PCDHA6: variants seen among roughly 807,000 people sequenced by gnomAD.
PCDHA6 encodes the protein protocadherin alpha-6.
A neutral mutation model predicts 60.3 loss-of-function variants in PCDHA6; 55 were observed. That is an observed-to-expected ratio of 0.91 (90% CI 0.73 to 1.14). The LOEUF (loss-of-function observed/expected upper bound fraction) is 1.14, where lower values mean the gene tolerates loss of function less well. PCDHA6 is among the 50% of genes most tolerant of loss of function. PCDHA6 has a pLI of 0.00. For missense variants in PCDHA6, 1,327 were observed against 1,256.5 expected (o/e 1.06, Z -0.85); for synonymous variants, 652 against 557.9 (o/e 1.17, Z -2.38).
intron 1 of PCDHA6, among the ~76,000 whole-genome samples, chr5:140,893,566 C>T (rs1283289530): frequency 6.6e-6 from 1 of 152,156 alleles, no homozygotes; most frequent in African/African-American, 2.4e-5. Flanking sequence ...AGTGTACTTC[C>T]TCAGTTTTTG....
intron 1 of PCDHA6, chr5:140,878,044 G>A (rs1554170271): frequency 1.9e-6 from 1 of 516,218 alleles, no homozygotes; most frequent in Admixed American, 3.9e-5. Flanking sequence ...TGGAGGCCAT[G>A]GAGCACCACA....
intron 1 of PCDHA6, among the ~76,000 whole-genome samples, chr5:140,964,683 G>T (rs2095848322): frequency 6.6e-6 from 1 of 151,914 alleles, no homozygotes; most frequent in South Asian, 2.1e-4. Flanking sequence ...CACAATTTGT[G>T]CACTTGAGAG....
intron 1 of PCDHA6, chr5:140,842,985 T>G (rs1322607138): frequency 1.3e-6 from 2 of 1,594,870 alleles, no homozygotes; most frequent in Non-Finnish European, 1.7e-6. Flanking sequence ...CAGGTGTTCG[T>G]GCTGGACGAG....
In PCDHA6 at chr5:140,830,467, TGAA is replaced by T. The variant is rs2150186899; in HGVS notation, c.2379_2381del (p.Glu793del). 3.2e-6 allele frequency: 5 copies of T among 1,572,686 alleles called. No homozygotes were observed. Among genetic ancestry groups the T allele is most frequent in the Non-Finnish European group, 4.3e-6 (5 of 1,156,644 alleles). The stretch of plus-strand genomic sequence containing the variant: ...GTAAGGCGGAGAATCAGGATTTAAA[TGAA>T]GATCATGATGCCAAAGTAAGTGAAT... On this transcript the variant is annotated inframe_deletion, in exon 1 of 4. Coordinates refer to ENST00000529310, the MANE Select transcript of PCDHA6 (RefSeq NM_018909.4).
At chr5:141,002,532 C>T (rs571310813) in intron 3 of PCDHA6, among the ~76,000 whole-genome samples, 26 of 152,270 alleles carry the variant, frequency 1.7e-4, no homozygotes, top group African/African-American at 6.0e-4. Flanking sequence ...AGTCAGACTC[C>T]CTAGATTTGA....
chr5:140,870,566 T>C (rs1554164425), intron 1 of PCDHA6: 7 of 1,613,980 alleles, frequency 4.3e-6, no homozygotes, highest in Admixed American at 3.3e-5. Flanking sequence ...GAGAACGCGC[T>C]GGTGTCCTAC....
chr5:140,858,610 T>G, intron 1 of PCDHA6: 1 of 1,234,746 alleles, frequency 8.1e-7, no homozygotes, highest in Non-Finnish European at 1.1e-6. Flanking sequence ...TAAAATTTTT[T>G]TATCCTACCC....
Position 140,876,296 on chromosome 5 carries a change from G to C in PCDHA6, c.2394+45811G>C, listed in dbSNP as rs1337465467. On this transcript the variant is annotated intron_variant, in intron 1 of 3. Coordinates refer to ENST00000529310, the MANE Select transcript of PCDHA6 (RefSeq NM_018909.4). ...TCCGATCCAGACGAAGGACTTAATGGAGAAATTTCCTATGGGATCAAAATG... is the reference window on the plus strand; with the variant it reads ...TCCGATCCAGACGAAGGACTTAATGCAGAAATTTCCTATGGGATCAAAATG... 19 of 1,613,952 alleles carry C rather than the reference G, an allele frequency of 1.2e-5. No individual in the cohort carries two copies. Among genetic ancestry groups the C allele is most frequent in the Non-Finnish European group, 1.6e-5 (19 of 1,179,904 alleles).
Position 140,951,565 on chromosome 5 carries a change from T to G in PCDHA6, c.2395-27384T>G, listed in dbSNP as rs151148481. Among the ~76,000 whole-genome samples the G allele has an allele frequency of 1.4e-3, 220 of 152,132 alleles. 1 individual carries two copies. Among genetic ancestry groups the G allele is most frequent in the African/African-American group, 4.9e-3 (203 of 41,508 alleles). ...GGACGGGGGGAAGTGCTACGCACTT[T>G]TAAACAACCAGATTTCACGAGATCT... On this transcript the variant is annotated intron_variant, in intron 1 of 3. Transcript: ENST00000529310.
intron 3 of PCDHA6, among the ~76,000 whole-genome samples, chr5:141,002,161 G>T (rs1554258540): frequency 6.6e-6 from 1 of 152,208 alleles, no homozygotes; most frequent in Non-Finnish European, 1.5e-5. Flanking sequence ...CAGAGTGGGC[G>T]GTAGGCAGGC....
At position 140,960,518 on chromosome 5, in the gene PCDHA6, G is replaced by A. The variant is rs555475003; in HGVS notation, c.2395-18431G>A. Among the ~76,000 whole-genome samples the A allele has an allele frequency of 2.6e-5, 4 of 152,176 alleles. No homozygotes were observed. The East Asian group carries it at 7.7e-4, about 29-fold the overall frequency. ...TTTGTTCCAAGCAGCAAACATAATG[G>A]GTATAGGAAAGAGAAACTGTGGCCT... On this transcript the variant is annotated intron_variant, in intron 1 of 3. Coordinates refer to ENST00000529310, the MANE Select transcript of PCDHA6 (RefSeq NM_018909.4).
chr5:140,983,483 C>T (rs2097053951), intron 3 of PCDHA6, among the ~76,000 whole-genome samples: 1 of 152,220 alleles, frequency 6.6e-6, no homozygotes, highest in African/African-American at 2.4e-5. Flanking sequence ...ATAGTAGTTA[C>T]TAATTATTAA....
chr5:141,001,811 C>A (rs1200900455), intron 3 of PCDHA6, among the ~76,000 whole-genome samples: 1 of 152,128 alleles, frequency 6.6e-6, no homozygotes, highest in Non-Finnish European at 1.5e-5. Flanking sequence ...ATTCTACAAT[C>A]GGCCAAATTC....
chr5:140,877,582 A>G, intron 1 of PCDHA6: 1 of 1,613,772 alleles, frequency 6.2e-7, no homozygotes, highest in East Asian at 2.2e-5. Context: ...CATCATCGCC[A>G]TCTGTGCGGT....
At position 140,850,957 on chromosome 5, in the gene PCDHA6, CA is replaced by C; in HGVS notation, c.2394+20473del. On this transcript the variant is annotated intron_variant, in intron 1 of 3. Transcript: ENST00000529310. ...CTTGAAAGATATTATCGATTACTCCCAGGGGCCGTTCAAATAGTTTTATTCA... is the reference window on the plus strand; with the variant it reads ...CTTGAAAGATATTATCGATTACTCCCGGGGCCGTTCAAATAGTTTTATTCA... The C allele has an allele frequency of 1.1e-5, 17 of 1,481,512 alleles. 4 individuals are homozygous for C. The highest frequency in any genetic ancestry group is 1.5e-5 in the Non-Finnish European group (17 of 1,106,408). The allele number at this position is 1,481,512 out of a possible 1,614,324, so 91.8% of individuals were successfully genotyped here. A position where few individuals can be genotyped will look rare whatever the true frequency, so the allele number is the denominator to read the frequency against.
intron 1 of PCDHA6, chr5:140,928,865 A>G: frequency 6.2e-7 from 1 of 1,614,072 alleles, no homozygotes; most frequent in Non-Finnish European, 8.5e-7. Flanking sequence ...CTGTTGAGCA[A>G]CTCTGTCCCT....
At chr5:140,868,600 T>C (rs2050538799) in intron 1 of PCDHA6, 1 of 153,224 alleles carries the variant, frequency 6.5e-6, no homozygotes, top group African/African-American at 2.4e-5. Context: ...CCCTAGTTTT[T>C]CATGAGGCCA....
At chr5:140,883,052 A>G (rs1554176592) in intron 1 of PCDHA6, 1 of 1,614,134 alleles carries the variant, frequency 6.2e-7, no homozygotes, top group East Asian at 2.2e-5. Flanking sequence ...AACATTAGTG[A>G]TCAAGCTAAA....
In PCDHA6 at chr5:140,927,750, G is replaced by T. The variant is rs155819; in HGVS notation, c.2395-51199G>T. The T allele has an allele frequency of 1.4e-3, 2,310 of 1,614,204 alleles. 26 individuals carry two copies. In the African/African-American group the frequency reaches 0.026, roughly 18 times the overall value. On this transcript the variant is annotated intron_variant, in intron 1 of 3. Coordinates refer to ENST00000529310, the MANE Select transcript of PCDHA6 (RefSeq NM_018909.4). ...CAGAGCTGCGACACCGCTTTCACGT[G>T]CACCCTAAAAGTGGGGAGGTGCAAG...
Sources: allele counts gnomAD v4.1 joint callset (sites outside exome capture counted in the v4.1 genomes callset), GRCh38; gene constraint gnomAD v4.1.1; transcripts MANE v1.5; gene names NCBI Gene and HGNC (gene_info 2026-07-23, HGNC 2026-07-21).